APTX: variants seen among roughly 807,000 people sequenced by gnomAD.
APTX encodes the protein aprataxin, also known as forkhead-associated domain histidine triad-like protein.
A neutral mutation model predicts 42.3 loss-of-function variants in APTX; 33 were observed. The observed-to-expected ratio is 0.78, with a 90% CI of 0.59 to 1.04. APTX has a LOEUF of 1.04. APTX is among the 50% of genes least tolerant of loss of function. The probability of loss-of-function intolerance (pLI) is 0.00; values close to 1 mark genes in which losing one functional copy is unlikely to be tolerated. For missense variants in APTX, 421 were observed against 415.1 expected (o/e 1.01, Z -0.12); for synonymous variants, 130 against 146.7 (o/e 0.89, Z 0.82).
upstream of APTX, among the ~76,000 whole-genome samples, chr9:33,003,872 T>C (rs1275547974): frequency 6.6e-6 from 1 of 152,242 alleles, no homozygotes; most frequent in East Asian, 1.9e-4. Flanking sequence ...CTCCATTGCA[T>C]GTACACACCA....
At chr9:33,003,627 G>A (rs577237846), upstream of APTX, among the ~76,000 whole-genome samples, 1 of 150,356 alleles carries the variant, frequency 6.7e-6, no homozygotes, top group South Asian at 2.1e-4. Context: ...GCAAGACTCT[G>A]CCTCAAAAAA....
At chr9:32,986,664 G>A (rs1359922395) in intron 4 of APTX, among the ~76,000 whole-genome samples, 1 of 151,660 alleles carries the variant, frequency 6.6e-6, no homozygotes, top group Non-Finnish European at 1.5e-5. Flanking sequence ...ACCACGCCCA[G>A]CTAATTTTGT....
chr9:33,001,935 A>T (rs1213794687), upstream of APTX, among the ~76,000 whole-genome samples: 1 of 152,184 alleles, frequency 6.6e-6, no homozygotes, highest in Non-Finnish European at 1.5e-5. Context: ...TCGATACTCC[A>T]TAAGGAGACG....
chr9:32,989,846 G>C lies in APTX; in HGVS notation c.46C>G (p.Arg16Gly), dbSNP rs1015321377. ...WLVRQDSRHQ[R>G]IRLPHLEAVV... ...GCTTCCAAATGTGGAAGTCTGATTC[G>C]CTGGTGCCGGCTGTCCTGTCTCACC... Residue 16 changes from arginine (R) to glycine (G), a missense_variant, in exon 2 of 8, where the codon CGA (arginine) becomes GGA (glycine). Transcript: ENST00000379817. 1 of 1,614,076 alleles carries C rather than the reference G, an allele frequency of 6.2e-7. No homozygotes were observed. Among genetic ancestry groups the C allele is most frequent in the Non-Finnish European group, 8.5e-7 (1 of 1,180,054 alleles).
In APTX at chr9:32,973,135, G is replaced by A. The variant is rs886063857; in HGVS notation, c.*363C>T. On this transcript the variant is annotated 3_prime_UTR_variant, in exon 8 of 8. Coordinates refer to ENST00000379817, the MANE Select transcript of APTX (RefSeq NM_001195248.2). ...AAAGGTTGTCCATGCCTACAGAGGC[G>A]GAGGATAAATCTAAGAAACAGAAAT... is the stretch of plus-strand genomic sequence containing the variant. 1.5e-5 allele frequency: 7 copies of A among 462,598 alleles called. No homozygotes were observed. Among genetic ancestry groups the A allele is most frequent in the Admixed American group, 2.3e-5 (1 of 42,786 alleles). The allele number at this position is 462,598 out of a possible 1,614,324, so 28.7% of individuals were successfully genotyped here. A position where few individuals can be genotyped will look rare whatever the true frequency, so the allele number is the denominator to read the frequency against.
chr9:33,020,868 G>C (rs1480207813), intron 1 of APTX, among the ~76,000 whole-genome samples: 1 of 152,206 alleles, frequency 6.6e-6, no homozygotes, highest in Non-Finnish European at 1.5e-5. Flanking sequence ...GGTGGCTCAC[G>C]CCTGTAATCC....
chr9:32,990,116 A>G, intron 1 of APTX: 3 of 594,300 alleles, frequency 5.0e-6, no homozygotes, highest in Non-Finnish European at 9.0e-6. Context: ...GTAAGTATTT[A>G]CCTCCCTGCC....
At chr9:33,024,780 T>C (rs891960032) in intron 1 of APTX, 1 of 149,794 alleles carries the variant, frequency 6.7e-6, no homozygotes, top group African/African-American at 2.5e-5. Context: ...AGGCCTATGC[T>C]ATTGGTCTGG....
intron 1 of APTX, among the ~76,000 whole-genome samples, chr9:32,996,522 C>T (rs1007499295): frequency 2.6e-5 from 4 of 152,130 alleles, no homozygotes; most frequent in African/African-American, 7.2e-5. Context: ...ATCCTCCTGT[C>T]TTGACCTCCC....
At chr9:33,004,634 T>C (rs1836997161), upstream of APTX, among the ~76,000 whole-genome samples, 1 of 96,128 alleles carries the variant, frequency 1.0e-5, no homozygotes, top group African/African-American at 3.5e-5. Flanking sequence ...CCAACCCTTT[T>C]TTTTTTTTTT....
intron 1 of APTX, among the ~76,000 whole-genome samples, chr9:33,007,388 G>A (rs1837236369): frequency 6.6e-6 from 1 of 152,214 alleles, no homozygotes; most frequent in Non-Finnish European, 1.5e-5. Flanking sequence ...GGTCATTGTG[G>A]CTGCTGTGAG....
intron 1 of APTX, among the ~76,000 whole-genome samples, chr9:32,996,864 G>C (rs1179190692): frequency 6.6e-6 from 1 of 152,226 alleles, no homozygotes; most frequent in Non-Finnish European, 1.5e-5. Context: ...GCCAGGCCTA[G>C]TCTTTACTCC....
intron 1 of APTX, among the ~76,000 whole-genome samples, chr9:32,993,719 C>CT (rs1269512640): frequency 0.042 from 5,560 of 132,948 alleles, 157 homozygotes; most frequent in East Asian, 0.11. Flanking sequence ...ACCTCTATAT[C>CT]TTTTTTTTTT....
At chr9:33,010,656 T>C (rs887357555) in intron 1 of APTX, among the ~76,000 whole-genome samples, 3 of 151,504 alleles carry the variant, frequency 2.0e-5, no homozygotes, top group Admixed American at 1.3e-4. Context: ...GAGGCAGAGG[T>C]TGCAGTGAGC....
chr9:33,005,066 A>T (rs1204957235), upstream of APTX, among the ~76,000 whole-genome samples: 1 of 151,998 alleles, frequency 6.6e-6, no homozygotes, highest in Non-Finnish European at 1.5e-5. Context: ...GTCTATTTGT[A>T]TGTATTTGGA....
rs769760063 is a variant in APTX at position 33,001,594 on chromosome 9, A to T, written c.-32T>A. The T allele has an allele frequency of 6.2e-7, 1 of 1,613,814 alleles. No individual in the cohort carries two copies. The highest frequency in any genetic ancestry group is 1.6e-4 in the Middle Eastern group (1 of 6,084). On this transcript the variant is annotated 5_prime_UTR_variant, in exon 1 of 8. Transcript: ENST00000379817. ...CCAGAAGTCGGAGACGGACAAATTCACGTTACTCATCTGTGCCTCACCGCT... is the reference window on the plus strand; with the variant it reads ...CCAGAAGTCGGAGACGGACAAATTCTCGTTACTCATCTGTGCCTCACCGCT...
In APTX at chr9:32,987,753, C is replaced by A. The variant is rs765145017; in HGVS notation, c.274G>T (p.Glu92Ter). 2 of 1,614,198 alleles carry A rather than the reference C, an allele frequency of 1.2e-6. No individual in the cohort carries two copies. Among genetic ancestry groups the A allele is most frequent in the Admixed American group, 1.7e-5 (1 of 60,030 alleles). The change falls in exon 4 of 8, where the codon GAA (glutamate) becomes TAA (stop). Residue 92 changes from glutamate (E) to a stop codon, truncating the protein, a stop_gained. Coordinates refer to ENST00000379817, the MANE Select transcript of APTX (RefSeq NM_001195248.2). LOFTEE classifies it high-confidence loss of function. ...QPGQVLHMVNELYPYIVEFEE... is the reference protein window; with the variant it reads ...QPGQVLHMVN Reference sequence around the variant, plus strand: ...AACTCTACAATATATGGATAAAGTTCATTCACCATGTGGAGAACCTGGCCA... The same window carrying A: ...AACTCTACAATATATGGATAAAGTTAATTCACCATGTGGAGAACCTGGCCA...
chr9:33,008,209 CTTA>C (rs1216846818), intron 1 of APTX, among the ~76,000 whole-genome samples: 2 of 151,206 alleles, frequency 1.3e-5, no homozygotes, highest in African/African-American at 4.9e-5. Flanking sequence ...AAAAAATTTC[CTTA>C]TTTTTTCTTT....
chr9:32,991,325 A>G (rs1833575687), intron 1 of APTX, among the ~76,000 whole-genome samples: 1 of 152,226 alleles, frequency 6.6e-6, no homozygotes, highest in Admixed American at 6.5e-5. Flanking sequence ...AACAACCCTT[A>G]TGGCCATGTG....
Sources: gnomAD v4.1 joint callset for allele counts (sites outside exome capture counted in the v4.1 genomes callset) on GRCh38, gnomAD v4.1.1 for gene constraint, MANE v1.5 for transcripts, NCBI Gene and HGNC (gene_info 2026-07-23, HGNC 2026-07-21) for gene names.